GRM7: variants seen among roughly 807,000 people sequenced by gnomAD.
GRM7 encodes the protein metabotropic glutamate receptor 7.
GRM7 carries 35 observed loss-of-function variants against 84.5 expected under a neutral mutation model. The observed-to-expected ratio is 0.41, with a 90% CI of 0.32 to 0.55. The LOEUF is 0.55. Ranked by LOEUF, GRM7 falls within the 20% of genes least tolerant of loss-of-function variation. The probability of loss-of-function intolerance (pLI) is 0.19; values close to 1 mark genes in which losing one functional copy is unlikely to be tolerated. For missense variants in GRM7, 1,003 were observed against 1,194.6 expected (o/e 0.84, Z 2.36); for synonymous variants, 487 against 455.1 (o/e 1.07, Z -0.89).
Position 6,862,599 on chromosome 3 carries a change from T to C in GRM7, c.519+692T>C. The C allele has an allele frequency of 5.1e-6, 1 of 197,850 alleles. No individual in the cohort carries two copies. Among genetic ancestry groups the C allele is most frequent in the South Asian group, 7.9e-5 (1 of 12,592 alleles). The allele number at this position is 197,850 out of a possible 1,614,324, so 12.3% of individuals were successfully genotyped here. ...CGGGCAATATTTTGCACCGTCTAAA[T>C]TACATGTGCGATCCGGCCACTGGCC... On this transcript the variant is annotated intron_variant, in intron 1 of 9. Coordinates refer to ENST00000357716, the MANE Select transcript of GRM7 (RefSeq NM_000844.4). The surrounding 1 kb of genome is among the most constrained non-coding windows in gnomAD (Gnocchi z 5.2).
At chr3:6,969,579 G>A (rs1422256682) in intron 1 of GRM7, among the ~76,000 whole-genome samples, 1 of 152,138 alleles carries the variant, frequency 6.6e-6, no homozygotes, top group East Asian at 1.9e-4. Context: ...TCTGTGTTTC[G>A]TGACCTAGCA....
At chr3:7,361,946 G>C (rs1693682368) in intron 4 of GRM7, among the ~76,000 whole-genome samples, 1 of 151,966 alleles carries the variant, frequency 6.6e-6, no homozygotes, top group African/African-American at 2.4e-5. Context: ...GGCTCTCTAG[G>C]GATAATTTCT....
intron 3 of GRM7, among the ~76,000 whole-genome samples, chr3:7,305,892 T>C (rs1336116170): frequency 6.6e-6 from 1 of 152,166 alleles, no homozygotes; most frequent in African/African-American, 2.4e-5. Context: ...CCAAAAGTAC[T>C]ATTGCAATAA....
intron 7 of GRM7, among the ~76,000 whole-genome samples, chr3:7,547,200 T>C (rs1000145889): frequency 1.1e-5 from 1 of 92,948 alleles, no homozygotes; most frequent in African/African-American, 4.1e-5. Flanking sequence ...AATTCTTTTT[T>C]TTTTTTTTTT....
intron 1 of GRM7, among the ~76,000 whole-genome samples, chr3:7,101,900 T>C (rs989618982): frequency 6.6e-6 from 1 of 150,850 alleles, no homozygotes; most frequent in Non-Finnish European, 1.5e-5. Context: ...CCTTAATTTA[T>C]CACAGTTCAT....
In GRM7 at chr3:7,114,549, C is replaced by T. The variant is rs576988879; in HGVS notation, c.520-31903C>T. On this transcript the variant is annotated intron_variant, in intron 1 of 9. Coordinates refer to ENST00000357716, the MANE Select transcript of GRM7 (RefSeq NM_000844.4). ...ATCTGGAAAATGCAGTCTCCTCTTT[C>T]CTCTAATACAGCCACAAAAAGGATC... Among the ~76,000 whole-genome samples, 9 of 152,206 alleles carry T rather than the reference C, an allele frequency of 5.9e-5. No individual in the cohort carries two copies. In the South Asian group the frequency reaches 1.7e-3, roughly 28 times the overall value.
intron 2 of GRM7, among the ~76,000 whole-genome samples, chr3:7,294,264 A>G (rs1462571652): frequency 6.6e-6 from 1 of 152,162 alleles, no homozygotes; most frequent in Non-Finnish European, 1.5e-5. Context: ...ACTCAGCTGT[A>G]ATTGAATCCT....
chr3:7,548,112 A>G (rs984271105), intron 7 of GRM7, among the ~76,000 whole-genome samples: 1 of 152,200 alleles, frequency 6.6e-6, no homozygotes, highest in Non-Finnish European at 1.5e-5. Flanking sequence ...TCCAAATATG[A>G]TGTTGAAATT....
intron 9 of GRM7, among the ~76,000 whole-genome samples, chr3:7,733,806 C>G (rs904384251): frequency 6.6e-6 from 1 of 152,142 alleles, no homozygotes; most frequent in African/African-American, 2.4e-5. Flanking sequence ...GTCTGACCCT[C>G]CTCTCCACGC....
At chr3:7,394,137 T>A (rs1695112421) in intron 4 of GRM7, among the ~76,000 whole-genome samples, 1 of 152,188 alleles carries the variant, frequency 6.6e-6, no homozygotes, top group Non-Finnish European at 1.5e-5. Context: ...GAGACTAGAA[T>A]CTGAAAGTGA....
At chr3:7,121,057 C>A (rs1693199911) in intron 1 of GRM7, among the ~76,000 whole-genome samples, 1 of 152,062 alleles carries the variant, frequency 6.6e-6, no homozygotes, top group South Asian at 2.1e-4. Flanking sequence ...GTGCCTCTGG[C>A]CCTAGCAGGA....
chr3:7,009,802 AG>A (rs1317713450), intron 1 of GRM7, among the ~76,000 whole-genome samples: 1 of 152,196 alleles, frequency 6.6e-6, no homozygotes, highest in Non-Finnish European at 1.5e-5. Context: ...ATTAGCCTCC[AG>A]GGGATCCTTG....
intron 7 of GRM7, among the ~76,000 whole-genome samples, chr3:7,539,617 G>A (rs187328800): frequency 5.4e-5 from 8 of 148,954 alleles, no homozygotes; most frequent in African/African-American, 2.0e-4. Flanking sequence ...GGAGGTTGCA[G>A]TGAGTTGAGA....
At chr3:7,502,516 C>CAA (rs111500679) in intron 7 of GRM7, among the ~76,000 whole-genome samples, 7 of 151,452 alleles carry the variant, frequency 4.6e-5, no homozygotes, top group African/African-American at 1.5e-4. Flanking sequence ...GCAAAACTGG[C>CAA]AAAAAAAATA....
In GRM7 at chr3:6,863,987, G is replaced by C. The variant is rs1051314259; in HGVS notation, c.519+2080G>C. Among the ~76,000 whole-genome samples, 3 of 152,114 alleles carry C rather than the reference G, an allele frequency of 2.0e-5. No homozygotes were observed. The highest frequency in any genetic ancestry group is 4.4e-5 in the Non-Finnish European group (3 of 68,022). On this transcript the variant is annotated intron_variant, in intron 1 of 9. Transcript: ENST00000357716. The surrounding 1 kb of genome is among the most constrained non-coding windows in gnomAD (Gnocchi z 4.8). Reference sequence around the variant, plus strand: ...GATTCCTTCTCTGGTGTGTGAACCTGAGGCAACTTGCTAGTGGTGAAAAAA... The same window carrying C: ...GATTCCTTCTCTGGTGTGTGAACCTCAGGCAACTTGCTAGTGGTGAAAAAA...
intron 1 of GRM7, among the ~76,000 whole-genome samples, chr3:6,922,842 T>C (rs1035799559): frequency 1.3e-5 from 2 of 152,170 alleles, no homozygotes; most frequent in Admixed American, 6.5e-5. Flanking sequence ...ATTGGAATGG[T>C]CTGATTTCAA....
intron 1 of GRM7, among the ~76,000 whole-genome samples, chr3:7,077,331 C>T (rs1044266113): frequency 2.0e-5 from 3 of 152,236 alleles, no homozygotes; most frequent in African/African-American, 7.2e-5. Context: ...CCCAAATGCT[C>T]ATCAATGATA....
At chr3:7,306,402 G>A in intron 3 of GRM7, 96 bp from the exon 4 acceptor site, 2 of 970,406 alleles carry the variant, frequency 2.1e-6, no homozygotes, top group Non-Finnish European at 3.1e-6. Flanking sequence ...ACTTTTTGAG[G>A]AAGAATAGTA....
chr3:7,304,510 C>A (rs1337112549), intron 3 of GRM7, among the ~76,000 whole-genome samples: 1 of 151,158 alleles, frequency 6.6e-6, no homozygotes, highest in Non-Finnish European at 1.5e-5. Flanking sequence ...TTTTTTGATT[C>A]TTTATTTATT....
Sources: allele counts gnomAD v4.1 joint callset (sites outside exome capture counted in the v4.1 genomes callset), GRCh38; gene constraint gnomAD v4.1.1; non-coding constraint Gnocchi (gnomAD v3.1); transcripts MANE v1.5; gene names NCBI Gene and HGNC (gene_info 2026-07-23, HGNC 2026-07-21).